KSR1: variants seen among roughly 807,000 people sequenced by gnomAD.
KSR1 encodes the protein kinase suppressor of ras.
Under a neutral mutation model 92.9 loss-of-function variants are expected in KSR1, and 35 were observed. The observed-to-expected ratio is 0.38, with a 90% CI of 0.29 to 0.50. The LOEUF (loss-of-function observed/expected upper bound fraction) is 0.50, where lower values mean the gene tolerates loss of function less well. Ranked by LOEUF, KSR1 falls within the 20% of genes least tolerant of loss-of-function variation. The probability of loss-of-function intolerance (pLI) is 0.94; values close to 1 mark genes in which losing one functional copy is unlikely to be tolerated. For synonymous variants in KSR1, 467 were observed against 472.6 expected (o/e 0.99, Z 0.15); for missense variants, 972 against 1,158.5 (o/e 0.84, Z 2.34).
At chr17:27,526,606 T>C in intron 1 of KSR1, 1 of 1,580,932 alleles carries the variant, frequency 6.3e-7, no homozygotes, top group Non-Finnish European at 8.7e-7. Context: ...GGACATTTGT[T>C]GATCATGTTC....
intron 7 of KSR1, 125 bp from the exon 8 acceptor site, chr17:27,592,236 C>T: frequency 1.4e-6 from 1 of 738,648 alleles, no homozygotes; most frequent in Non-Finnish European, 2.4e-6. Flanking sequence ...TACTTTCGAG[C>T]TAACATTTGT....
At chr17:27,583,725 G>A (rs1642814179) in intron 4 of KSR1, among the ~76,000 whole-genome samples, 1 of 152,190 alleles carries the variant, frequency 6.6e-6, no homozygotes. Flanking sequence ...ACTTCCCTTG[G>A]TATCTCTGAG....
rs373743003 is a variant in KSR1, at chr17:27,592,316, C to G, written c.1131-45C>G. The G allele has an allele frequency of 1.0e-5, 16 of 1,534,378 alleles. No homozygotes were observed. In the African/African-American group the frequency reaches 1.4e-4, roughly 13 times the overall value. On this transcript the variant is annotated intron_variant, in intron 7 of 20. Transcript: ENST00000644974. Reference sequence around the variant, plus strand: ...CAGAGCTACCCCTGTGTGCCTGAGCCCCCCCATGTGGTGCTTTGCACACCA... The same window carrying G: ...CAGAGCTACCCCTGTGTGCCTGAGCGCCCCCATGTGGTGCTTTGCACACCA...
At chr17:27,512,778 T>C (rs1366813391) in intron 1 of KSR1, among the ~76,000 whole-genome samples, 2 of 152,240 alleles carry the variant, frequency 1.3e-5, no homozygotes, top group Non-Finnish European at 2.9e-5. Context: ...TGTTTGGATC[T>C]AGACATCATT....
intron 16 of KSR1, chr17:27,609,702 C>T (rs1174247021): frequency 3.0e-6 from 1 of 334,468 alleles, no homozygotes; most frequent in East Asian, 5.9e-5. Flanking sequence ...CAAAAGGGAG[C>T]ATGGCAGCAA....
chr17:27,461,237 T>C (rs1406767734), intron 1 of KSR1, among the ~76,000 whole-genome samples: 4 of 152,094 alleles, frequency 2.6e-5, no homozygotes, highest in African/African-American at 9.7e-5. Context: ...TGCCCCACTA[T>C]GTCCAGCTAA....
intron 3 of KSR1, chr17:27,579,952 G>GAACATT (rs2151161651): frequency 7.6e-6 from 1 of 132,260 alleles, no homozygotes; most frequent in Non-Finnish European, 1.6e-5. Flanking sequence ...AATAGGAGAT[G>GAACATT]AACATTCCTG....
chr17:27,473,966 C>T (rs954962743), intron 1 of KSR1, among the ~76,000 whole-genome samples: 2 of 152,104 alleles, frequency 1.3e-5, no homozygotes, highest in African/African-American at 2.4e-5. Context: ...AAAAGAGAAA[C>T]CAAAAGCCAA....
chr17:27,544,665 ACT>A (rs1214993481), intron 1 of KSR1, among the ~76,000 whole-genome samples: 11 of 151,730 alleles, frequency 7.2e-5, no homozygotes, highest in Non-Finnish European at 4.4e-5. Flanking sequence ...AGACGTAATG[ACT>A]CTTTCCTTCT....
intron 14 of KSR1, 40 bp downstream of exon 14, chr17:27,605,853 A>G (rs1026587942): frequency 6.2e-7 from 1 of 1,606,772 alleles, no homozygotes; most frequent in Non-Finnish European, 8.5e-7. Context: ...TGGCCAGCTC[A>G]GCCTCCCCCT....
intron 1 of KSR1, among the ~76,000 whole-genome samples, chr17:27,487,666 G>T (rs978237222): frequency 2.7e-5 from 4 of 150,638 alleles, no homozygotes; most frequent in African/African-American, 9.8e-5. Flanking sequence ...AAATTTTATG[G>T]TTTTTTTTTA....
At chr17:27,498,852 T>C (rs772506725) in intron 1 of KSR1, among the ~76,000 whole-genome samples, 36 of 152,262 alleles carry the variant, frequency 2.4e-4, no homozygotes, top group African/African-American at 8.4e-4. Context: ...TGGAGACTCT[T>C]AGGGAAACTT....
rs968125087 is a variant in KSR1, at chr17:27,577,370, T to G, written c.373-122T>G. 3 of 634,530 alleles carry G rather than the reference T, an allele frequency of 4.7e-6. No homozygotes were observed. Among genetic ancestry groups the G allele is most frequent in the African/African-American group, 1.9e-5 (1 of 53,838 alleles). 39.3% of individuals were successfully genotyped at this position (634,530 alleles called of 1,614,324 possible). On this transcript the variant is annotated intron_variant, in intron 2 of 20. Transcript: ENST00000644974. The surrounding 1 kb of genome is among the most constrained non-coding windows in gnomAD (Gnocchi z 4.5). ...GTCCCCAAGCACGTGGTGGCTCTGG[T>G]CAGAGGCCGGCCCAGCCAGCAGCTG...
At position 27,607,967 on chromosome 17, in the gene KSR1, T is replaced by A; in HGVS notation, c.2048T>A (p.Leu683Gln). Residue 683 changes from leucine (L) to glutamine (Q), a missense_variant, in exon 15 of 21, where the codon CTG becomes CAG. Transcript: ENST00000644974. ...TTTGTGAGGGACCCCAAGACGTCTCTGGACATCAACAAGACGAGGCAAATC... is the reference window on the plus strand; with the variant it reads ...TTTGTGAGGGACCCCAAGACGTCTCAGGACATCAACAAGACGAGGCAAATC... ...HSFVRDPKTS[L>Q]DINKTRQIAQ... The A allele has an allele frequency of 6.2e-7, 1 of 1,611,114 alleles. No homozygotes were observed. Among genetic ancestry groups the A allele is most frequent in the Non-Finnish European group, 8.5e-7 (1 of 1,178,660 alleles).
At chr17:27,565,637 C>T (rs2072032546) in intron 2 of KSR1, among the ~76,000 whole-genome samples, 1 of 152,134 alleles carries the variant, frequency 6.6e-6, no homozygotes. Context: ...GTTGCCCAGG[C>T]TGGTCTCAAA....
intron 1 of KSR1, among the ~76,000 whole-genome samples, chr17:27,462,042 A>T (rs553010431): frequency 3.3e-5 from 5 of 152,292 alleles, no homozygotes; most frequent in East Asian, 3.9e-4. Context: ...ATTCAAAGGG[A>T]AAGCTGCATA....
intron 1 of KSR1, among the ~76,000 whole-genome samples, chr17:27,533,101 A>C (rs2070611444): frequency 6.6e-6 from 1 of 152,198 alleles, no homozygotes; most frequent in South Asian, 2.1e-4. Flanking sequence ...GAAGTAATGT[A>C]GCCCATGGTT....
At position 27,624,267 on chromosome 17, in the gene KSR1, G is replaced by C. The variant is rs2074294820; in HGVS notation, c.*875G>C. 1 of 152,300 alleles carries C rather than the reference G, an allele frequency of 6.6e-6. No individual in the cohort carries two copies. The highest frequency in any genetic ancestry group is 2.4e-5 in the African/African-American group (1 of 41,442). 9.4% of individuals were successfully genotyped at this position (152,300 alleles called of 1,614,324 possible). On this transcript the variant is annotated 3_prime_UTR_variant, in exon 21 of 21. Transcript: ENST00000644974. The stretch of plus-strand genomic sequence containing the variant: ...TGAGGGCTGGATGGGTGGGAACAAG[G>C]AGGAGTAGATGGCAAAAGTACCTGA...
chr17:27,464,552 C>T (rs886242075), intron 1 of KSR1, among the ~76,000 whole-genome samples: 1 of 151,982 alleles, frequency 6.6e-6, no homozygotes, highest in Admixed American at 6.6e-5. Flanking sequence ...GAGACCCTGT[C>T]TCTACAAAAA....
Sources: gnomAD v4.1 joint callset for allele counts (sites outside exome capture counted in the v4.1 genomes callset) on GRCh38, gnomAD v4.1.1 for gene constraint, Gnocchi (gnomAD v3.1) non-coding constraint, MANE v1.5 for transcripts, NCBI Gene and HGNC (gene_info 2026-07-23, HGNC 2026-07-21) for gene names.